Variants in PSD3 observed in about 807,000 individuals in gnomAD.
The protein encoded by PSD3 is PH and SEC7 domain-containing protein 3.
A neutral mutation model predicts 105.5 loss-of-function variants in PSD3; 49 were observed. The observed-to-expected ratio is 0.46, with a 90% confidence interval of 0.37 to 0.59. PSD3 has a LOEUF of 0.59. Among genes scored for constraint, PSD3 ranks in the 20% least tolerant of loss-of-function variants. The pLI is 0.00. For synonymous variants in PSD3, 557 were observed against 457.8 expected, an observed-to-expected ratio of 1.22 and a Z score of -2.77; for missense variants, 1,561 against 1,263.8, an observed-to-expected ratio of 1.24 and a Z score of -3.57.
At chr8:18,891,738 A>G (rs1255188107) in intron 2 of PSD3, among the ~76,000 whole-genome samples, 4 of 152,168 alleles carry the variant, frequency 2.6e-5, no homozygotes, top group Non-Finnish European at 5.9e-5. Flanking sequence ...ATCTATAGTT[A>G]TTTCAAGCTC....
chr8:18,530,145 A>C lies in PSD3; in HGVS notation c.*5598T>G, dbSNP rs1405857499. 3 of 152,562 alleles carry C rather than the reference A, an allele frequency of 2.0e-5. No homozygotes were observed. The highest frequency in any genetic ancestry group is 6.5e-5 in the Admixed American group (1 of 15,268). The allele number at this position is 152,562 out of a possible 1,614,324, so 9.5% of individuals were successfully genotyped here. On this transcript the variant is annotated 3_prime_UTR_variant, in exon 16 of 16. Transcript: ENST00000327040. ...TGCACTCAGCCACTCACTCAAACAC[A>C]CTCAGTCACTGCTTTAAATATACCA...
chr8:18,903,592 T>C (rs965034696), intron 2 of PSD3, among the ~76,000 whole-genome samples: 1 of 152,172 alleles, frequency 6.6e-6, no homozygotes, highest in East Asian at 1.9e-4. Flanking sequence ...GCCACTGTTC[T>C]ACTTCCCTGT....
chr8:18,883,255 T>C (rs1265510807), intron 2 of PSD3, among the ~76,000 whole-genome samples: 1 of 152,230 alleles, frequency 6.6e-6, no homozygotes, highest in Non-Finnish European at 1.5e-5. Flanking sequence ...AAAGAGATCA[T>C]AACTGCCTGC....
intron 4 of PSD3, among the ~76,000 whole-genome samples, chr8:18,818,430 A>G (rs574124606): frequency 6.6e-6 from 1 of 151,950 alleles, no homozygotes; most frequent in African/African-American, 2.4e-5. Flanking sequence ...GAACCAAACT[A>G]CCTGTAAGGC....
rs1167202422 is a variant in PSD3 at position 18,872,306 on chromosome 8, C to G, written c.558G>C (p.Thr186=). Residue 186 remains threonine (T), a synonymous_variant, in exon 3 of 16, where the codon ACG becomes ACC. Transcript: ENST00000327040. ...GTAAATTTTTTTGGCCAGCAGGGAG[C>G]GTTTTGTTGACTCTCTGTGTTTTAC... ...ASRKTQRVNK[T]LPAGQKNLPE... 1.9e-6 allele frequency: 3 copies of G among 1,611,212 alleles called. No homozygotes were observed. The highest frequency in any genetic ancestry group is 1.1e-5 in the South Asian group (1 of 90,892).
At position 18,890,060 on chromosome 8, in the gene PSD3, A is replaced by G. The variant is rs193090693; in HGVS notation, c.131-17327T>C. ...ATTTTTAGAAATACAACTTTTTCAC[A>G]AATCAAGACTGACTGCATGATATCG... On this transcript the variant is annotated intron_variant, in intron 2 of 15. Coordinates refer to ENST00000327040, the MANE Select transcript of PSD3 (RefSeq NM_015310.4). Among the ~76,000 whole-genome samples the G allele has an allele frequency of 1.6e-3, 240 of 152,332 alleles. 2 individuals carry two copies. Among genetic ancestry groups the G allele is most frequent in the South Asian group, 3.3e-3 (16 of 4,826 alleles).
intron 9 of PSD3, among the ~76,000 whole-genome samples, chr8:18,675,656 A>G (rs1800027509): frequency 6.6e-6 from 1 of 152,226 alleles, no homozygotes; most frequent in Admixed American, 6.5e-5. Flanking sequence ...CTACGTGTCC[A>G]AACAGGTACA....
intron 8 of PSD3, among the ~76,000 whole-genome samples, chr8:18,782,307 T>C (rs1338291000): frequency 6.6e-6 from 1 of 152,120 alleles, no homozygotes; most frequent in Non-Finnish European, 1.5e-5. Flanking sequence ...TCCAACTCTA[T>C]GGATTGGGTT....
Position 18,852,653 on chromosome 8 carries a change from G to A in PSD3, c.1634+15021C>T, listed in dbSNP as rs1475430906. ...CCACTGAAGGCTGCATTTGAGAGAT[G>A]CCCAACTGACTGAGACGAGAACAGA... On this transcript the variant is annotated intron_variant, in intron 4 of 15. Transcript: ENST00000327040. Among the ~76,000 whole-genome samples the A allele has an allele frequency of 3.9e-5, 6 of 152,290 alleles. 1 individual carries two copies. In the Middle Eastern group the frequency reaches 0.014, roughly 345 times the overall value.
chr8:18,568,821 G>T (rs1170964960), intron 14 of PSD3, among the ~76,000 whole-genome samples: 3 of 151,422 alleles, frequency 2.0e-5, no homozygotes, highest in Non-Finnish European at 4.4e-5. Flanking sequence ...TCGTCATCTA[G>T]CATTAGGTAT....
intron 9 of PSD3, among the ~76,000 whole-genome samples, chr8:18,709,820 C>T (rs763485828): frequency 2.0e-5 from 3 of 152,166 alleles, no homozygotes; most frequent in Non-Finnish European, 4.4e-5. Flanking sequence ...AAAGACACCA[C>T]AAAAACCCCA....
intron 1 of PSD3, among the ~76,000 whole-genome samples, chr8:19,026,498 T>C (rs57243659): frequency 0.11 from 16,842 of 151,978 alleles, 1,003 homozygotes; most frequent in Non-Finnish European, 0.14. Context: ...GAGACAACAC[T>C]TTATTTATAT....
chr8:19,067,035 C>A (rs941555765), intron 1 of PSD3, among the ~76,000 whole-genome samples: 2 of 152,146 alleles, frequency 1.3e-5, no homozygotes, highest in Non-Finnish European at 2.9e-5. Context: ...GGGTCTAGCA[C>A]AGAGCATAAC....
intron 4 of PSD3, among the ~76,000 whole-genome samples, chr8:18,815,483 G>A (rs1812140388): frequency 6.6e-6 from 1 of 151,998 alleles, no homozygotes; most frequent in Admixed American, 6.6e-5. Flanking sequence ...TAATTTTTTT[G>A]TATTTTTAGT....
Position 18,867,876 on chromosome 8 carries a change from G to C in PSD3, c.1432C>G (p.Leu478Val). 1 of 1,614,122 alleles carries C rather than the reference G, an allele frequency of 6.2e-7. No homozygotes were observed. Residue 478 changes from leucine to valine, a missense_variant, in exon 4 of 16, where the codon CTC becomes GTC. Coordinates refer to ENST00000327040, the MANE Select transcript of PSD3 (RefSeq NM_015310.4). ...ATGCGCTGTTGTATCATTGGAGTGA[G>C]GGGCATTTCAAAGCTAAAATAGCTA... is the stretch of plus-strand genomic sequence containing the variant. ...PDSYFSFEMP[L>V]TPMIQQRIKE...
At chr8:19,058,012 A>T (rs1164534304) in intron 1 of PSD3, among the ~76,000 whole-genome samples, 2 of 152,240 alleles carry the variant, frequency 1.3e-5, no homozygotes, top group Admixed American at 6.5e-5. Context: ...TCTATTCATA[A>T]TCACCAAAAC....
chr8:18,970,227 A>C (rs539958240), intron 1 of PSD3, among the ~76,000 whole-genome samples: 245 of 143,268 alleles, frequency 1.7e-3, no homozygotes, highest in Admixed American at 3.8e-3. Flanking sequence ...CAGGAGGCTG[A>C]GGCAGGAGAA....
chr8:18,596,406 G>A (rs544265332), intron 12 of PSD3, among the ~76,000 whole-genome samples: 46 of 151,538 alleles, frequency 3.0e-4, no homozygotes, highest in African/African-American at 1.1e-3. Flanking sequence ...ACGAAATAGA[G>A]AAATGAAAAT....
intron 1 of PSD3, among the ~76,000 whole-genome samples, chr8:19,012,400 C>A (rs1826990726): frequency 6.6e-6 from 1 of 152,222 alleles, no homozygotes; most frequent in African/African-American, 2.4e-5. Context: ...TTTGTAAATA[C>A]TCTCAGAAAA....
Sources: gnomAD v4.1 joint callset for allele counts (sites outside exome capture counted in the v4.1 genomes callset) on GRCh38, gnomAD v4.1.1 for gene constraint, MANE v1.5 for transcripts, NCBI Gene and HGNC (gene_info 2026-07-23, HGNC 2026-07-21) for gene names.